Variants in ITGB8 observed in about 807,000 individuals in gnomAD.
ITGB8 encodes the protein integrin subunit beta 8.
ITGB8 carries 30 observed loss-of-function variants against 89.5 expected under a neutral mutation model. That is an observed-to-expected ratio of 0.34 (90% CI 0.25 to 0.45). The LOEUF is 0.45. ITGB8 is among the 20% of genes least tolerant of loss of function. The pLI is 1.00. For missense variants in ITGB8, 836 were observed against 933.3 expected (o/e 0.90, Z 1.36); for synonymous variants, 335 against 320.4 (o/e 1.05, Z -0.49).
At chr7:20,362,704 G>A (rs185437777) in intron 1 of ITGB8, among the ~76,000 whole-genome samples, 9 of 152,238 alleles carry the variant, frequency 5.9e-5, no homozygotes, top group South Asian at 2.1e-4. Flanking sequence ...AGATCACACC[G>A]TGACTTCCAG....
At chr7:20,360,986 C>CT (rs922373095) in intron 1 of ITGB8, among the ~76,000 whole-genome samples, 33 of 139,270 alleles carry the variant, frequency 2.4e-4, no homozygotes, top group South Asian at 9.1e-4. Context: ...AAAAACGTTC[C>CT]TTTTTTTTTC....
At chr7:20,336,052 C>T (rs1784566386) in intron 1 of ITGB8, among the ~76,000 whole-genome samples, 1 of 124,506 alleles carries the variant, frequency 8.0e-6, no homozygotes, top group African/African-American at 3.2e-5. Flanking sequence ...GTCGCCCAGG[C>T]TGGAGTGCAG....
At chr7:20,403,979 C>T (rs192261989) in intron 10 of ITGB8, among the ~76,000 whole-genome samples, 2 of 152,238 alleles carry the variant, frequency 1.3e-5, no homozygotes, top group African/African-American at 2.4e-5. Flanking sequence ...CATAATGTTC[C>T]CCCACCACAC....
chr7:20,371,027 G>T (rs1160882613), intron 3 of ITGB8, among the ~76,000 whole-genome samples: 1 of 152,104 alleles, frequency 6.6e-6, no homozygotes, highest in African/African-American at 2.4e-5. Flanking sequence ...TTAACTGTAT[G>T]TGATAAGAAG....
At position 20,339,885 on chromosome 7, in the gene ITGB8, G is replaced by A. The variant is rs1039433517; in HGVS notation, c.127+7952G>A. ...TCTACTAAAAATACAAAAATTAGCC[G>A]GGCATGGTGGCAGACACCTGTAATC... On this transcript the variant is annotated intron_variant, in intron 1 of 13. Coordinates refer to ENST00000222573, the MANE Select transcript of ITGB8 (RefSeq NM_002214.3). Among the ~76,000 whole-genome samples the A allele has an allele frequency of 9.2e-5, 14 of 152,120 alleles. No individual in the cohort carries two copies. In the South Asian group the frequency reaches 1.2e-3, roughly 14 times the overall value.
Position 20,331,264 on chromosome 7 carries a change from T to G in ITGB8, c.-543T>G, listed in dbSNP as rs1754394273. ...TGGTGTTGGCCTCCCTGCCCACCTGTGGAAGCAACTGCGCTGATTGATGCG... is the reference window on the plus strand; with the variant it reads ...TGGTGTTGGCCTCCCTGCCCACCTGGGGAAGCAACTGCGCTGATTGATGCG... On this transcript the variant is annotated 5_prime_UTR_variant, in exon 1 of 14. Transcript: ENST00000222573. 3.2e-6 allele frequency: 1 copy of G among 308,814 alleles called. No individual in the cohort carries two copies. The highest frequency in any genetic ancestry group is 2.1e-5 in the African/African-American group (1 of 46,614). The allele number at this position is 308,814 out of a possible 1,614,324, so 19.1% of individuals were successfully genotyped here.
At chr7:20,379,400 A>C in intron 4 of ITGB8, 103 bp downstream of exon 4, 1 of 695,602 alleles carries the variant, frequency 1.4e-6, no homozygotes, top group South Asian at 5.1e-5. Flanking sequence ...TTTTTATCTT[A>C]TAAAATAAGA....
At chr7:20,398,780 G>A (rs1787190224) in intron 8 of ITGB8, 80 bp from the exon 9 acceptor site, 1 of 1,017,360 alleles carries the variant, frequency 9.8e-7, no homozygotes, top group Non-Finnish European at 1.4e-6. Flanking sequence ...AATCTATAAT[G>A]ATTTAATAAG....
chr7:20,360,179 A>T (rs1463551340), intron 1 of ITGB8, among the ~76,000 whole-genome samples: 1 of 152,070 alleles, frequency 6.6e-6, no homozygotes, highest in African/African-American at 2.4e-5. Flanking sequence ...AAGAAAACAG[A>T]TTTTCACTTG....
intron 8 of ITGB8, among the ~76,000 whole-genome samples, chr7:20,396,897 G>A (rs1787105014): frequency 6.6e-6 from 1 of 152,060 alleles, no homozygotes; most frequent in Non-Finnish European, 1.5e-5. Flanking sequence ...ACCGTAAACA[G>A]TGGAAAAATA....
At chr7:20,380,513 C>T in intron 4 of ITGB8, 153 bp from the exon 5 acceptor site, 1 of 614,772 alleles carries the variant, frequency 1.6e-6, no homozygotes, top group South Asian at 2.1e-5. Flanking sequence ...GAGCTTATCT[C>T]TAATTTTATA....
chr7:20,337,213 A>G (rs921510203), intron 1 of ITGB8, among the ~76,000 whole-genome samples: 29 of 152,332 alleles, frequency 1.9e-4, no homozygotes, highest in African/African-American at 6.3e-4. Context: ...TTTAAAATTG[A>G]TTTTACAATT....
rs577982678 is a variant in ITGB8 at position 20,343,818 on chromosome 7, G to A, written c.127+11885G>A. On this transcript the variant is annotated intron_variant, in intron 1 of 13. Transcript: ENST00000222573. Reference sequence around the variant, plus strand: ...ACCTAGAGTGCCTATGAAAAGTGATGTTTTAATTAATTAAATTCTATGGCC... The same window carrying A: ...ACCTAGAGTGCCTATGAAAAGTGATATTTTAATTAATTAAATTCTATGGCC... 4.5e-4 allele frequency among the ~76,000 whole-genome samples: 68 copies of A among 152,280 alleles called. No homozygotes were observed. The Middle Eastern group carries it at 0.01, about 23-fold the overall frequency.
chr7:20,342,344 G>A (rs540292769), intron 1 of ITGB8, among the ~76,000 whole-genome samples: 1 of 152,270 alleles, frequency 6.6e-6, no homozygotes, highest in African/African-American at 2.4e-5. Flanking sequence ...TCAACGTTTT[G>A]GAGCTTACCT....
chr7:20,337,237 A>G (rs1388332860), intron 1 of ITGB8, among the ~76,000 whole-genome samples: 1 of 152,210 alleles, frequency 6.6e-6, no homozygotes, highest in Non-Finnish European at 1.5e-5. Flanking sequence ...CAAAATTGTA[A>G]TTAGATTACA....
At chr7:20,374,456 T>C (rs796745998) in intron 3 of ITGB8, among the ~76,000 whole-genome samples, 3 of 146,560 alleles carry the variant, frequency 2.0e-5, no homozygotes, top group South Asian at 2.2e-4. Context: ...ATATTTTACA[T>C]AGATTACCTT....
intron 1 of ITGB8, among the ~76,000 whole-genome samples, chr7:20,343,226 T>C (rs1477449133): frequency 6.6e-6 from 1 of 152,238 alleles, no homozygotes; most frequent in African/African-American, 2.4e-5. Context: ...TGGCCAGTTT[T>C]TATTGATCCG....
At chr7:20,387,670 G>A (rs1164736808) in intron 6 of ITGB8, among the ~76,000 whole-genome samples, 1 of 152,188 alleles carries the variant, frequency 6.6e-6, no homozygotes, top group Non-Finnish European at 1.5e-5. Context: ...GTTGAGACCA[G>A]GGTGCTGTTA....
chr7:20,370,493 A>G (rs895874053), intron 3 of ITGB8, among the ~76,000 whole-genome samples: 2 of 151,340 alleles, frequency 1.3e-5, no homozygotes, highest in Non-Finnish European at 2.9e-5. Flanking sequence ...CATTAGGTCT[A>G]AATGCTTTCA....
Sources: allele counts gnomAD v4.1 joint callset (sites outside exome capture counted in the v4.1 genomes callset), GRCh38; gene constraint gnomAD v4.1.1; transcripts MANE v1.5; gene names NCBI Gene and HGNC (gene_info 2026-07-23, HGNC 2026-07-21).